KCNQ5: variants seen among roughly 807,000 people sequenced by gnomAD.
KCNQ5 encodes potassium voltage-gated channel subfamily Q member 5.
A neutral mutation model predicts 98.2 loss-of-function variants in KCNQ5; 30 were observed. The observed-to-expected ratio is 0.31, with a 90% CI of 0.23 to 0.41. The LOEUF is 0.41. KCNQ5 is among the 10% of genes least tolerant of loss of function. The probability of loss-of-function intolerance (pLI) is 1.00; values close to 1 mark genes in which losing one functional copy is unlikely to be tolerated. For synonymous variants in KCNQ5, 458 were observed against 449.4 expected (o/e 1.02, Z -0.24); for missense variants, 835 against 1,182.5 (o/e 0.71, Z 4.31).
chr6:73,033,704 C>T (rs1771255822), intron 2 of KCNQ5, among the ~76,000 whole-genome samples: 1 of 152,062 alleles, frequency 6.6e-6, no homozygotes. Context: ...CCACCCCACT[C>T]CCACTTCTAT....
intron 3 of KCNQ5, among the ~76,000 whole-genome samples, chr6:73,062,556 C>G (rs962939063): frequency 6.6e-6 from 1 of 152,140 alleles, no homozygotes; most frequent in Non-Finnish European, 1.5e-5. Flanking sequence ...AAAAACAACA[C>G]AGTCAACATG....
At chr6:72,626,138 GACT>G (rs1398388429) in intron 1 of KCNQ5, among the ~76,000 whole-genome samples, 2 of 152,222 alleles carry the variant, frequency 1.3e-5, no homozygotes, top group African/African-American at 2.4e-5. Flanking sequence ...GCCAGCAAGG[GACT>G]ACTACAAGCC....
At chr6:73,017,443 G>A (rs980640229) in intron 2 of KCNQ5, among the ~76,000 whole-genome samples, 3 of 147,754 alleles carry the variant, frequency 2.0e-5, no homozygotes, top group African/African-American at 8.1e-5. Flanking sequence ...ATTGAGTATT[G>A]CTTTGGTACT....
At chr6:72,639,047 A>T (rs934386965) in intron 1 of KCNQ5, among the ~76,000 whole-genome samples, 1 of 152,214 alleles carries the variant, frequency 6.6e-6, no homozygotes. Flanking sequence ...GAACAAGCAC[A>T]AGTAGACATG....
chr6:72,906,370 G>A (rs1041671133), intron 1 of KCNQ5, among the ~76,000 whole-genome samples: 1 of 152,194 alleles, frequency 6.6e-6, no homozygotes, highest in African/African-American at 2.4e-5. Context: ...CCTGCCTGTG[G>A]AGTCTGCACG....
chr6:72,631,473 G>A (rs2098920757), intron 1 of KCNQ5, among the ~76,000 whole-genome samples: 3 of 152,114 alleles, frequency 2.0e-5, no homozygotes, highest in Admixed American at 2.0e-4. Context: ...TCAGGGTTGT[G>A]GAAACAAAGG....
intron 1 of KCNQ5, among the ~76,000 whole-genome samples, chr6:72,910,797 G>T (rs1779913042): frequency 6.6e-6 from 1 of 152,096 alleles, no homozygotes; most frequent in South Asian, 2.1e-4. Flanking sequence ...ATATAAAGAG[G>T]GAAGCATGAA....
intron 3 of KCNQ5, among the ~76,000 whole-genome samples, chr6:73,052,492 G>A (rs934271013): frequency 6.6e-6 from 1 of 152,172 alleles, no homozygotes; most frequent in Admixed American, 6.6e-5. Flanking sequence ...CTAAAGAGAA[G>A]GGGCAGGCCA....
chr6:72,821,985 C>T (rs867436594), intron 1 of KCNQ5, among the ~76,000 whole-genome samples: 5 of 152,240 alleles, frequency 3.3e-5, no homozygotes, highest in African/African-American at 7.2e-5. Flanking sequence ...TCTTATCCTT[C>T]GTGCATCCTC....
chr6:72,777,564 A>T (rs1388329794), intron 1 of KCNQ5, among the ~76,000 whole-genome samples: 2 of 152,216 alleles, frequency 1.3e-5, no homozygotes, highest in African/African-American at 4.8e-5. Flanking sequence ...CCTAGGAAGC[A>T]GCTCTGAATA....
intron 1 of KCNQ5, among the ~76,000 whole-genome samples, chr6:72,917,922 T>C (rs1404018676): frequency 5.9e-5 from 9 of 152,124 alleles, no homozygotes; most frequent in Admixed American, 5.2e-4. Context: ...GGGCCAGGTG[T>C]TTCTTTTCTA....
chr6:72,872,618 C>T (rs551766629), intron 1 of KCNQ5, among the ~76,000 whole-genome samples: 1 of 152,142 alleles, frequency 6.6e-6, no homozygotes, highest in African/African-American at 2.4e-5. Flanking sequence ...GTAATTCAGC[C>T]AAGGTCACAC....
chr6:72,754,873 T>C (rs527810629), intron 1 of KCNQ5, among the ~76,000 whole-genome samples: 68 of 152,170 alleles, frequency 4.5e-4, no homozygotes, highest in Non-Finnish European at 5.3e-4. Flanking sequence ...TACCTACTTA[T>C]TCTATAGATT....
chr6:73,023,943 A>C (rs1334599764), intron 2 of KCNQ5, among the ~76,000 whole-genome samples: 1 of 152,238 alleles, frequency 6.6e-6, no homozygotes, highest in Non-Finnish European at 1.5e-5. Context: ...TTCAAAGGAC[A>C]AAGGGATGGA....
At chr6:72,736,449 G>T (rs1325970800) in intron 1 of KCNQ5, among the ~76,000 whole-genome samples, 1 of 149,882 alleles carries the variant, frequency 6.7e-6, no homozygotes, top group Non-Finnish European at 1.5e-5. Flanking sequence ...TATAAAATGA[G>T]AAAGTGTAGA....
At chr6:72,788,550 T>C (rs1410040153) in intron 1 of KCNQ5, among the ~76,000 whole-genome samples, 1 of 152,226 alleles carries the variant, frequency 6.6e-6, no homozygotes, top group Non-Finnish European at 1.5e-5. Context: ...TAGTTTGCTG[T>C]CTTATTTATT....
intron 1 of KCNQ5, among the ~76,000 whole-genome samples, chr6:72,785,986 G>C (rs1773719123): frequency 6.6e-6 from 1 of 151,920 alleles, no homozygotes; most frequent in South Asian, 2.1e-4. Flanking sequence ...GAGCCCCATA[G>C]GTAATTTAAA....
At chr6:72,886,036 C>A (rs1213444296) in intron 1 of KCNQ5, among the ~76,000 whole-genome samples, 1 of 152,112 alleles carries the variant, frequency 6.6e-6, no homozygotes, top group African/African-American at 2.4e-5. Flanking sequence ...GGGAGAATAA[C>A]CTTTACCCCA....
intron 1 of KCNQ5, among the ~76,000 whole-genome samples, chr6:72,637,415 A>G (rs1259642507): frequency 6.6e-6 from 1 of 152,002 alleles, no homozygotes; most frequent in Non-Finnish European, 1.5e-5. Flanking sequence ...GTGAGTGCCC[A>G]CTGCATATTG....
Sources: gnomAD v4.1 joint callset for allele counts (sites outside exome capture counted in the v4.1 genomes callset) on GRCh38, gnomAD v4.1.1 for gene constraint, MANE v1.5 for transcripts, NCBI Gene and HGNC (gene_info 2026-07-23, HGNC 2026-07-21) for gene names.